CDYL2: variants seen among roughly 807,000 people sequenced by gnomAD.
CDYL2 encodes the protein chromodomain Y-like protein 2.
A neutral mutation model predicts 49.4 loss-of-function variants in CDYL2; 23 were observed. The ratio of observed to expected loss-of-function variants is 0.47; its 90% confidence interval spans 0.34 to 0.66. The LOEUF (loss-of-function observed/expected upper bound fraction) is 0.66. Ranked by LOEUF, CDYL2 falls within the 30% of genes least tolerant of loss-of-function variation. CDYL2 has a pLI of 0.01. For missense variants in CDYL2, 678 were observed against 656.4 expected (o/e 1.03, Z -0.36); for synonymous variants, 360 against 268.8 (o/e 1.34, Z -3.32).
chr16:80,621,782 G>C (rs1457356013), intron 3 of CDYL2, among the ~76,000 whole-genome samples: 2 of 152,184 alleles, frequency 1.3e-5, no homozygotes, highest in African/African-American at 4.8e-5. Flanking sequence ...TCTCCTGCTT[G>C]GGTCTCCTGC....
At chr16:80,611,405 T>C (rs987551410) in intron 5 of CDYL2, among the ~76,000 whole-genome samples, 10 of 152,028 alleles carry the variant, frequency 6.6e-5, no homozygotes, top group African/African-American at 2.4e-4. Context: ...CAGAGCTGAA[T>C]TCAGAGTTTG....
chr16:80,600,030 T>G lies in CDYL2; in HGVS notation c.*4358A>C, dbSNP rs1317001704. On this transcript the variant is annotated 3_prime_UTR_variant, in exon 7 of 7. Transcript: ENST00000570137. ...TTTTTAAATTTTTTTGCAACAAGCT[T>G]AAGGCTCTGTTCACAAACTCCATCA... 2.0e-5 allele frequency: 3 copies of G among 152,204 alleles called. No individual in the cohort carries two copies. The highest frequency in any genetic ancestry group is 6.5e-5 in the Admixed American group (1 of 15,282). 9.4% of individuals were successfully genotyped at this position (152,204 alleles called of 1,614,324 possible).
intron 4 of CDYL2, among the ~76,000 whole-genome samples, chr16:80,616,391 G>C (rs949310161): frequency 6.6e-5 from 10 of 152,198 alleles, no homozygotes; most frequent in African/African-American, 2.2e-4. Context: ...AGGGTGGACA[G>C]AGTCCTCATT....
intron 2 of CDYL2, among the ~76,000 whole-genome samples, chr16:80,672,718 T>C (rs1182559817): frequency 1.3e-5 from 2 of 152,212 alleles, no homozygotes; most frequent in Non-Finnish European, 2.9e-5. Context: ...AAGCCTCCAT[T>C]TCTTTATGTG....
intron 2 of CDYL2, among the ~76,000 whole-genome samples, chr16:80,644,801 A>G (rs933853214): frequency 1.3e-5 from 2 of 152,290 alleles, no homozygotes; most frequent in Admixed American, 1.3e-4. Flanking sequence ...ATACAGACCA[A>G]TGGAACAGAA....
At chr16:80,692,956 G>C (rs1035346781) in intron 1 of CDYL2, among the ~76,000 whole-genome samples, 2 of 152,148 alleles carry the variant, frequency 1.3e-5, no homozygotes, top group Non-Finnish European at 2.9e-5. Context: ...ATAGACCATA[G>C]CATATCTGTG....
intron 4 of CDYL2, among the ~76,000 whole-genome samples, chr16:80,614,230 C>T (rs142921507): frequency 2.8e-4 from 43 of 152,332 alleles, no homozygotes; most frequent in African/African-American, 1.0e-3. Flanking sequence ...CTCTTCTTCC[C>T]AGGTCTGCTG....
At chr16:80,789,615 T>C (rs375024253) in intron 1 of CDYL2, among the ~76,000 whole-genome samples, 2 of 151,132 alleles carry the variant, frequency 1.3e-5, no homozygotes, top group East Asian at 3.9e-4. Context: ...AAAAGACACC[T>C]GCACTTCTAT....
intron 1 of CDYL2, among the ~76,000 whole-genome samples, chr16:80,744,198 C>T (rs183229390): frequency 2.9e-4 from 44 of 152,254 alleles, no homozygotes; most frequent in Middle Eastern, 6.8e-3. Flanking sequence ...AGTCCAGAGA[C>T]GCAGAAAAGG....
At chr16:80,637,148 C>T (rs1907869473) in intron 2 of CDYL2, among the ~76,000 whole-genome samples, 1 of 151,760 alleles carries the variant, frequency 6.6e-6, no homozygotes, top group Non-Finnish European at 1.5e-5. Flanking sequence ...CACGTGTATA[C>T]TTATGTAACA....
At chr16:80,772,546 G>A (rs1391754030) in intron 1 of CDYL2, among the ~76,000 whole-genome samples, 6 of 152,240 alleles carry the variant, frequency 3.9e-5, no homozygotes, top group East Asian at 1.9e-4. Context: ...TCTGCTTCCT[G>A]GGTTCAAGTA....
chr16:80,743,073 G>A (rs1293923047), intron 1 of CDYL2, among the ~76,000 whole-genome samples: 1 of 152,148 alleles, frequency 6.6e-6, no homozygotes, highest in Non-Finnish European at 1.5e-5. Context: ...TGGACCGACG[G>A]ACGGACTCAT....
chr16:80,677,991 AG>A (rs992751248), intron 2 of CDYL2, among the ~76,000 whole-genome samples: 87 of 152,026 alleles, frequency 5.7e-4, no homozygotes, highest in African/African-American at 1.9e-3. Flanking sequence ...GACAAACCTG[AG>A]AAAAACAAGA....
intron 1 of CDYL2, among the ~76,000 whole-genome samples, chr16:80,782,218 A>G (rs555524399): frequency 6.6e-6 from 1 of 152,024 alleles, no homozygotes; most frequent in Non-Finnish European, 1.5e-5. Flanking sequence ...TTAAAATGCT[A>G]TAAATAATTG....
At chr16:80,719,034 T>C (rs939228547) in intron 1 of CDYL2, among the ~76,000 whole-genome samples, 13 of 152,094 alleles carry the variant, frequency 8.5e-5, no homozygotes, top group Non-Finnish European at 4.4e-5. Flanking sequence ...TCCCAGAGAA[T>C]TGGGCAGCAG....
intron 1 of CDYL2, among the ~76,000 whole-genome samples, chr16:80,733,518 C>T (rs1276824075): frequency 6.6e-6 from 1 of 152,126 alleles, no homozygotes; most frequent in Non-Finnish European, 1.5e-5. Context: ...TCTTTATACG[C>T]AGTAGGAAGC....
In CDYL2 at chr16:80,761,618, A is replaced by G. The variant is rs146481300; in HGVS notation, c.24+42532T>C. Among the ~76,000 whole-genome samples, 14 of 152,296 alleles carry G rather than the reference A, an allele frequency of 9.2e-5. No homozygotes were observed. The East Asian group carries it at 2.3e-3, about 25-fold the overall frequency. On this transcript the variant is annotated intron_variant, in intron 1 of 6. Transcript: ENST00000570137. ...CATCCTTTGCAATTGTTGAATCAAT[A>G]GATCTGAGAGAGGCCAGGAAGACCA... is the stretch of plus-strand genomic sequence containing the variant.
intron 1 of CDYL2, among the ~76,000 whole-genome samples, chr16:80,712,064 TAG>T (rs1491397767): frequency 7.3e-5 from 11 of 150,468 alleles, no homozygotes; most frequent in African/African-American, 2.7e-4. Flanking sequence ...TGTGTGTGTA[TAG>T]ATGTGTGTAT....
intron 6 of CDYL2, among the ~76,000 whole-genome samples, chr16:80,607,557 T>G (rs1206563303): frequency 1.3e-5 from 2 of 152,238 alleles, no homozygotes; most frequent in East Asian, 1.9e-4. Flanking sequence ...GTGACTGTTA[T>G]GAGATAAAAT....
Sources: allele counts gnomAD v4.1 joint callset (sites outside exome capture counted in the v4.1 genomes callset), GRCh38; gene constraint gnomAD v4.1.1; transcripts MANE v1.5; gene names NCBI Gene and HGNC (gene_info 2026-07-23, HGNC 2026-07-21).